Variants in PICALM observed in about 807,000 individuals in gnomAD.
PICALM encodes phosphatidylinositol-binding clathrin assembly protein.
In PICALM, 40 loss-of-function variants were observed where a neutral mutation model predicts 80.5. The ratio of observed to expected loss-of-function variants is 0.50; its 90% confidence interval spans 0.39 to 0.65. PICALM has a LOEUF of 0.65. Among genes scored for constraint, PICALM ranks in the 30% least tolerant of loss-of-function variants. The pLI is 0.00. For missense variants in PICALM, 676 were observed against 778.9 expected, an observed-to-expected ratio of 0.87 and a Z score of 1.57; for synonymous variants, 288 against 260.3, an observed-to-expected ratio of 1.11 and a Z score of -1.02.
chr11:85,977,479 A>T (rs939868930), intron 17 of PICALM, among the ~76,000 whole-genome samples: 1 of 152,234 alleles, frequency 6.6e-6, no homozygotes, highest in African/African-American at 2.4e-5. Flanking sequence ...CATAATGAAA[A>T]CTGAAATTGA....
intron 1 of PICALM, among the ~76,000 whole-genome samples, chr11:86,048,372 T>TCAAAA (rs1353302732): frequency 1.3e-5 from 2 of 152,126 alleles, no homozygotes; most frequent in Non-Finnish European, 2.9e-5. Flanking sequence ...GGTCACCAAG[T>TCAAAA]CAAAACAGTA....
At chr11:85,988,667 A>G (rs1241133236) in intron 13 of PICALM, among the ~76,000 whole-genome samples, 1 of 148,290 alleles carries the variant, frequency 6.7e-6, no homozygotes, top group Non-Finnish European at 1.5e-5. Context: ...GTGAGGAAGA[A>G]GAGGAAGAAG....
chr11:85,975,380 G>T (rs1463288589), intron 18 of PICALM, among the ~76,000 whole-genome samples: 1 of 152,006 alleles, frequency 6.6e-6, no homozygotes, highest in Non-Finnish European at 1.5e-5. Context: ...AACCAAATAT[G>T]TTTCTTTAAA....
rs1460687331 is a variant in PICALM, at chr11:86,023,435, G to C, written c.350-966C>G. The C allele has an allele frequency of 4.1e-6, 4 of 984,414 alleles. No individual in the cohort carries two copies. In the African/African-American group the frequency reaches 7.0e-5, roughly 17 times the overall value. 61.0% of individuals were successfully genotyped at this position (984,414 alleles called of 1,614,324 possible). A position where few individuals can be genotyped will look rare whatever the true frequency, so the allele number is the denominator to read the frequency against. ...TCATACCTACTACTGTACACGTCAG[G>C]TGTTACATGCTCACATTCCTCAGCT... On this transcript the variant is annotated intron_variant, in intron 3 of 19. Transcript: ENST00000393346.
At chr11:86,004,552 T>C (rs1373032693) in intron 8 of PICALM, among the ~76,000 whole-genome samples, 1 of 152,022 alleles carries the variant, frequency 6.6e-6, no homozygotes, top group Non-Finnish European at 1.5e-5. Context: ...AAACTCAGGC[T>C]ATAGGTCAAA....
intron 1 of PICALM, among the ~76,000 whole-genome samples, chr11:86,065,772 G>C (rs1290358927): frequency 6.6e-6 from 1 of 152,090 alleles, no homozygotes; most frequent in Non-Finnish European, 1.5e-5. Context: ...AACACCTACA[G>C]TATAAGCAAA....
At position 86,003,427 on chromosome 11, in the gene PICALM, A is replaced by G. The variant is rs763852318; in HGVS notation, c.832T>C (p.Leu278=). ...SQAPSSLLDA[L]EQHLASLEGK... is the part of the protein sequence containing the mutation. ...TCCAAGGAAGCTAAATGTTGTTCCA[A>G]AGCATCAAGAAGACTGCTAGGGGCC... The change falls in exon 9 of 20, where the codon TTG becomes CTG. Residue 278 remains leucine (L), a synonymous_variant. Coordinates refer to ENST00000393346, the MANE Select transcript of PICALM (RefSeq NM_007166.4). 6.3e-7 allele frequency: 1 copy of G among 1,599,212 alleles called. No individual in the cohort carries two copies. The highest frequency in any genetic ancestry group is 1.1e-5 in the South Asian group (1 of 89,848).
intron 1 of PICALM, among the ~76,000 whole-genome samples, chr11:86,062,047 T>C (rs1438240519): frequency 1.3e-5 from 2 of 152,132 alleles, no homozygotes; most frequent in Non-Finnish European, 2.9e-5. Context: ...CTATGACATC[T>C]TGAAAAGGCA....
chr11:86,047,504 G>C (rs2096095163), intron 1 of PICALM, among the ~76,000 whole-genome samples: 1 of 152,206 alleles, frequency 6.6e-6, no homozygotes, highest in African/African-American at 2.4e-5. Context: ...AAGAATGTCA[G>C]AGAACAAACT....
At chr11:86,026,842 T>C (rs1341848995) in intron 2 of PICALM, among the ~76,000 whole-genome samples, 2 of 152,242 alleles carry the variant, frequency 1.3e-5, no homozygotes, top group South Asian at 2.1e-4. Flanking sequence ...ATCAAAACAT[T>C]ATAGCCTCCA....
intron 1 of PICALM, among the ~76,000 whole-genome samples, chr11:86,033,564 A>G (rs2095796186): frequency 1.3e-5 from 2 of 152,168 alleles, no homozygotes; most frequent in Admixed American, 6.5e-5. Context: ...TTCCCTGAAT[A>G]TTTACGCAAA....
In PICALM at chr11:86,004,161, A is replaced by G. The variant is rs117717391; in HGVS notation, c.808-710T>C. ...AATGTGGCTTTATTTACAATAGTCA[A>G]AAACTGCAAATAATCCAAAACTCCA... On this transcript the variant is annotated intron_variant, in intron 8 of 19. Coordinates refer to ENST00000393346, the MANE Select transcript of PICALM (RefSeq NM_007166.4). Among the ~76,000 whole-genome samples, 138 of 152,354 alleles carry G rather than the reference A, an allele frequency of 9.1e-4. 3 individuals are homozygous for G. The East Asian group carries it at 0.024, about 26-fold the overall frequency.
chr11:86,001,217 G>A, intron 9 of PICALM, 59 bp from the exon 10 acceptor site: 3 of 1,560,040 alleles, frequency 1.9e-6, no homozygotes, highest in Non-Finnish European at 2.6e-6. Context: ...ATTACACCCA[G>A]GTCATGAAAT....
chr11:85,997,970 C>A (rs1326471043), intron 11 of PICALM, among the ~76,000 whole-genome samples: 16 of 151,936 alleles, frequency 1.1e-4, no homozygotes. Context: ...TTAGTAGAGA[C>A]AGGGTTTCAC....
intron 2 of PICALM, among the ~76,000 whole-genome samples, chr11:86,030,448 T>A (rs1298049794): frequency 6.6e-6 from 1 of 152,216 alleles, no homozygotes; most frequent in Non-Finnish European, 1.5e-5. Flanking sequence ...TTCTTTCTCA[T>A]CTCTAGAAGG....
rs1483512410 is a variant in PICALM at position 86,069,049 on chromosome 11, C to A, written c.-269G>T. The A allele has an allele frequency of 1.4e-5, 6 of 440,020 alleles. No homozygotes were observed. In the South Asian group the frequency reaches 1.5e-4, roughly 11 times the overall value. The allele number at this position is 440,020 out of a possible 1,614,324, so 27.3% of individuals were successfully genotyped here. A position where few individuals can be genotyped will look rare whatever the true frequency, so the allele number is the denominator to read the frequency against. Reference sequence around the variant, plus strand: ...CCTTCCCGGGTCAGCTGGAGCCGGGCAGGGTAAGAGGAACAGGCAGCTGCA... The same window carrying A: ...CCTTCCCGGGTCAGCTGGAGCCGGGAAGGGTAAGAGGAACAGGCAGCTGCA... On this transcript the variant is annotated 5_prime_UTR_variant, in exon 1 of 20. Transcript: ENST00000393346.
intron 1 of PICALM, among the ~76,000 whole-genome samples, chr11:86,048,539 T>C (rs2096117465): frequency 6.6e-6 from 1 of 151,928 alleles, no homozygotes; most frequent in Admixed American, 6.6e-5. Flanking sequence ...CTAATGTTAA[T>C]AAAAGAAAAA....
intron 8 of PICALM, 101 bp from the exon 9 acceptor site, chr11:86,003,552 G>T: frequency 1.7e-6 from 1 of 596,352 alleles, no homozygotes; most frequent in Non-Finnish European, 2.8e-6. Flanking sequence ...AAACAGGTAT[G>T]TTCTTCATGT....
intron 17 of PICALM, among the ~76,000 whole-genome samples, chr11:85,979,488 A>T (rs504129): frequency 0.81 from 119,566 of 148,058 alleles, 48,427 homozygotes; most frequent in African/African-American, 0.87. Flanking sequence ...AGACTCCGTC[A>T]CAAAAAAAAA....
Sources: allele counts gnomAD v4.1 joint callset (sites outside exome capture counted in the v4.1 genomes callset), GRCh38; gene constraint gnomAD v4.1.1; transcripts MANE v1.5; gene names NCBI Gene and HGNC (gene_info 2026-07-23, HGNC 2026-07-21).